Variants in SIL1 observed in about 807,000 individuals in gnomAD.
SIL1 encodes SIL1 nucleotide exchange factor, also known as nucleotide exchange factor SIL1.
A neutral mutation model predicts 49.1 loss-of-function variants in SIL1; 40 were observed. The ratio of observed to expected loss-of-function variants is 0.81; its 90% CI spans 0.63 to 1.06. The LOEUF (loss-of-function observed/expected upper bound fraction) is 1.06. Among genes scored for constraint, SIL1 ranks in the 50% least tolerant of loss-of-function variants. The pLI, the probability that SIL1 is intolerant of heterozygous loss-of-function variation, is 0.00. For missense variants in SIL1, 500 were observed against 572.6 expected (o/e 0.87, Z 1.29); for synonymous variants, 253 against 250.8 (o/e 1.01, Z -0.08).
At chr5:139,022,890 C>T (rs182518565) in intron 6 of SIL1, among the ~76,000 whole-genome samples, 22 of 152,308 alleles carry the variant, frequency 1.4e-4, no homozygotes, top group Admixed American at 1.4e-3. Flanking sequence ...GAATTCACTA[C>T]CTATTCTTTG....
intron 7 of SIL1, among the ~76,000 whole-genome samples, chr5:139,004,849 C>T (rs902277182): frequency 7.2e-5 from 11 of 152,068 alleles, no homozygotes; most frequent in Non-Finnish European, 1.5e-4. Flanking sequence ...TGACATAAGC[C>T]AGGCACAGAA....
intron 7 of SIL1, among the ~76,000 whole-genome samples, chr5:138,952,153 G>C (rs1368088719): frequency 6.6e-6 from 1 of 152,358 alleles, no homozygotes; most frequent in East Asian, 1.9e-4. Flanking sequence ...GGCTGGGAAG[G>C]TGAACAACCT....
intron 3 of SIL1, among the ~76,000 whole-genome samples, chr5:139,115,253 T>C (rs561635697): frequency 3.0e-4 from 46 of 152,178 alleles, no homozygotes; most frequent in African/African-American, 9.9e-4. Context: ...TAATAAAAAA[T>C]ATGTGTAGTC....
intron 3 of SIL1, among the ~76,000 whole-genome samples, chr5:139,084,769 A>G (rs1480267984): frequency 6.6e-6 from 1 of 151,254 alleles, no homozygotes; most frequent in African/African-American, 2.4e-5. Flanking sequence ...ATGTACCCTA[A>G]AACTTAGAGT....
intron 1 of SIL1, among the ~76,000 whole-genome samples, chr5:139,136,257 T>C (rs557617581): frequency 7.9e-5 from 12 of 152,038 alleles, no homozygotes; most frequent in African/African-American, 1.4e-4. Flanking sequence ...AATACCTACA[T>C]AGAGAACAAT....
At chr5:138,981,992 C>G (rs1007866335) in intron 7 of SIL1, among the ~76,000 whole-genome samples, 2 of 152,170 alleles carry the variant, frequency 1.3e-5, no homozygotes, top group Non-Finnish European at 2.9e-5. Flanking sequence ...CTCAGTTTCT[C>G]CATGCATAAA....
chr5:139,114,987 G>A (rs776775515), intron 3 of SIL1, among the ~76,000 whole-genome samples: 18 of 152,214 alleles, frequency 1.2e-4, no homozygotes, highest in Non-Finnish European at 2.1e-4. Flanking sequence ...TAGGCATGAA[G>A]TGTCCTGAAC....
intron 7 of SIL1, among the ~76,000 whole-genome samples, chr5:138,960,189 G>A (rs1766987519): frequency 6.6e-6 from 1 of 152,028 alleles, no homozygotes; most frequent in Admixed American, 6.5e-5. Context: ...CTATTCTTTT[G>A]GATTCTCACT....
At chr5:138,991,099 A>G (rs1249413471) in intron 7 of SIL1, among the ~76,000 whole-genome samples, 1 of 152,188 alleles carries the variant, frequency 6.6e-6, no homozygotes, top group Admixed American at 6.5e-5. Flanking sequence ...AGGAGTCTCT[A>G]TAGCCTACAC....
intron 5 of SIL1, among the ~76,000 whole-genome samples, chr5:139,041,126 T>TGTAC (rs1769039228): frequency 6.6e-6 from 1 of 152,194 alleles, no homozygotes; most frequent in African/African-American, 2.4e-5. Flanking sequence ...TGGCCTCACC[T>TGTAC]GTACCAGGCA....
At chr5:139,152,709 T>C (rs566142969) in intron 1 of SIL1, among the ~76,000 whole-genome samples, 1 of 152,060 alleles carries the variant, frequency 6.6e-6, no homozygotes, top group East Asian at 1.9e-4. Context: ...CCTTCCCTGC[T>C]TGAAACCATT....
At chr5:139,186,103 C>T (rs543645557) in intron 1 of SIL1, among the ~76,000 whole-genome samples, 2 of 152,330 alleles carry the variant, frequency 1.3e-5, no homozygotes, top group South Asian at 2.1e-4. Context: ...GCAGGAACAA[C>T]TATCAAACCT....
rs750303384 is a variant in SIL1 at position 138,948,475 on chromosome 5, G to A, written c.1030-1002C>T. On this transcript the variant is annotated intron_variant, in intron 9 of 9. Transcript: ENST00000394817. The surrounding 1 kb of genome is among the most constrained non-coding windows in gnomAD (Gnocchi z 4.8). The stretch of plus-strand genomic sequence containing the variant: ...CCAAACCCTCACAGCCTGGCATTGC[G>A]GGTGATAAAGACAAAATCAATCCCT... 2.0e-5 allele frequency among the ~76,000 whole-genome samples: 3 copies of A among 152,124 alleles called. No individual in the cohort carries two copies. Among genetic ancestry groups the A allele is most frequent in the African/African-American group, 7.2e-5 (3 of 41,408 alleles).
At chr5:139,065,117 T>C (rs1322336887) in intron 3 of SIL1, among the ~76,000 whole-genome samples, 1 of 152,210 alleles carries the variant, frequency 6.6e-6, no homozygotes, top group Non-Finnish European at 1.5e-5. Flanking sequence ...TTTTAGAATA[T>C]TCATGTCAGG....
intron 1 of SIL1, chr5:139,188,063 G>T: frequency 6.6e-6 from 1 of 152,628 alleles, no homozygotes; most frequent in South Asian, 2.0e-4. Context: ...ACAGCCTGCA[G>T]AACCATGAGC....
chr5:139,134,196 C>T (rs1430753779), intron 1 of SIL1, among the ~76,000 whole-genome samples: 2 of 152,208 alleles, frequency 1.3e-5, no homozygotes, highest in Non-Finnish European at 2.9e-5. Flanking sequence ...CAGCTCACTG[C>T]AACCTCTGCT....
At chr5:139,130,292 AT>A (rs1351741540) in intron 1 of SIL1, among the ~76,000 whole-genome samples, 3 of 152,134 alleles carry the variant, frequency 2.0e-5, no homozygotes, top group Non-Finnish European at 4.4e-5. Flanking sequence ...ACTAAAAAAA[AT>A]AAAAAAAATT....
chr5:139,058,162 C>CA (rs1769498532), intron 3 of SIL1, among the ~76,000 whole-genome samples: 1 of 151,998 alleles, frequency 6.6e-6, no homozygotes, highest in South Asian at 2.1e-4. Context: ...AAGCCAGATA[C>CA]AAAAAAGCAT....
At chr5:139,176,088 T>TGGTCTCA (rs1751877687) in intron 1 of SIL1, among the ~76,000 whole-genome samples, 1 of 152,144 alleles carries the variant, frequency 6.6e-6, no homozygotes, top group African/African-American at 2.4e-5. Flanking sequence ...CTCAAAACCC[T>TGGTCTCA]GGTCTCAAGC....
Sources: allele counts gnomAD v4.1 joint callset (sites outside exome capture counted in the v4.1 genomes callset), GRCh38; gene constraint gnomAD v4.1.1; non-coding constraint Gnocchi (gnomAD v3.1); transcripts MANE v1.5; gene names NCBI Gene and HGNC (gene_info 2026-07-23, HGNC 2026-07-21).